NUCB2: variants seen among roughly 807,000 people sequenced by gnomAD.
The protein encoded by NUCB2 is nucleobindin-2.
In NUCB2, 48 loss-of-function variants were observed where a neutral mutation model predicts 57.9. The ratio of observed to expected loss-of-function variants is 0.83; its 90% CI spans 0.66 to 1.05. The LOEUF is 1.05. NUCB2 is among the 50% of genes least tolerant of loss of function. The pLI is 0.00. For synonymous variants in NUCB2, 139 were observed against 152.1 expected, an observed-to-expected ratio of 0.91 and a Z score of 0.64; for missense variants, 442 against 476.2, an observed-to-expected ratio of 0.93 and a Z score of 0.67.
rs930615041 is a variant in NUCB2 at position 17,328,511 on chromosome 11, A to G, written c.1003-1616A>G. ...CTGTGGCTAAGCTGACACTCAAATC[A>G]CAATACAAAAGCCTTCCTGCTCTTC... On this transcript the variant is annotated intron_variant, in intron 11 of 13. Transcript: ENST00000529010. Among the ~76,000 whole-genome samples, 4 of 152,144 alleles carry G rather than the reference A, an allele frequency of 2.6e-5. No individual in the cohort carries two copies. In the South Asian group the frequency reaches 8.3e-4, roughly 31 times the overall value.
intron 11 of NUCB2, among the ~76,000 whole-genome samples, chr11:17,328,707 C>T (rs1160254250): frequency 6.6e-6 from 1 of 152,118 alleles, no homozygotes; most frequent in Non-Finnish European, 1.5e-5. Flanking sequence ...AAGTGGGCTC[C>T]CCTCTGGCCC....
chr11:17,335,505 T>A (rs1434702790), downstream of NUCB2, among the ~76,000 whole-genome samples: 7 of 152,172 alleles, frequency 4.6e-5, no homozygotes, highest in Non-Finnish European at 1.0e-4. Context: ...ATGAATATTA[T>A]TTCTTTTTTT....
chr11:17,285,612 C>T (rs552716347), intron 2 of NUCB2, among the ~76,000 whole-genome samples: 18 of 149,174 alleles, frequency 1.2e-4, no homozygotes, highest in African/African-American at 2.5e-4. Context: ...GGCGTGGTGG[C>T]GGGCACCTGT....
intron 11 of NUCB2, among the ~76,000 whole-genome samples, chr11:17,325,333 C>G (rs185457272): frequency 2.6e-5 from 4 of 152,226 alleles, no homozygotes; most frequent in Non-Finnish European, 4.4e-5. Flanking sequence ...GTCTTTAGCT[C>G]TAATAATATT....
At chr11:17,315,964 T>G (rs1949185686) in intron 11 of NUCB2, among the ~76,000 whole-genome samples, 1 of 152,040 alleles carries the variant, frequency 6.6e-6, no homozygotes, top group South Asian at 2.1e-4. Context: ...TGTTGTTGTT[T>G]GTTTGTTTTT....
chr11:17,279,045 T>C (rs1221891134), intron 1 of NUCB2, among the ~76,000 whole-genome samples: 1 of 152,016 alleles, frequency 6.6e-6, no homozygotes, highest in Non-Finnish European at 1.5e-5. Flanking sequence ...ATACAAAAAT[T>C]AGCCAGACGT....
chr11:17,336,586 C>G (rs1951815834), downstream of NUCB2, among the ~76,000 whole-genome samples: 1 of 151,216 alleles, frequency 6.6e-6, no homozygotes, highest in African/African-American at 2.4e-5. Context: ...AACCCCGTCT[C>G]TACTAAAAAT....
chr11:17,326,805 T>C (rs1223791882), intron 11 of NUCB2, among the ~76,000 whole-genome samples: 1 of 152,232 alleles, frequency 6.6e-6, no homozygotes, highest in Non-Finnish European at 1.5e-5. Context: ...CAGTGACTTT[T>C]GTACCTTCAG....
intron 5 of NUCB2, among the ~76,000 whole-genome samples, chr11:17,305,568 A>G (rs1193941199): frequency 6.6e-6 from 1 of 152,166 alleles, no homozygotes; most frequent in African/African-American, 2.4e-5. Context: ...ATTTAGTTTA[A>G]TATAAAGGTG....
chr11:17,338,875 G>A (rs1952013937), intron 2 of NUCB2, among the ~76,000 whole-genome samples: 1 of 152,178 alleles, frequency 6.6e-6, no homozygotes, highest in Admixed American at 6.5e-5. Context: ...TGGTGGCCAG[G>A]CTGGTCTTGA....
Position 17,330,911 on chromosome 11 carries a change from C to T in NUCB2, c.1183C>T (p.Gln395Ter). 2 of 1,596,242 alleles carry T rather than the reference C, an allele frequency of 1.3e-6. No individual in the cohort carries two copies. The highest frequency in any genetic ancestry group is 4.5e-5 in the East Asian group (2 of 44,102). ...ATTTTCCATTCACCAGGTCATACAG[C>T]AGATGGAACAAAAAAAATTACAACA... Reference protein sequence around the residue: ...QKLEYHQVIQQMEQKKLQQGI... With the variant: ...QKLEYHQVIQ The change falls in exon 13 of 14, where the codon CAG becomes TAG. Residue 395 changes from glutamine (Q) to a stop codon, truncating the protein, a stop_gained. Coordinates refer to ENST00000529010, the MANE Select transcript of NUCB2 (RefSeq NM_005013.4). LOFTEE classifies it high-confidence loss of function. This position sits in a 1 kb window ranked among gnomAD's most constrained non-coding sequence, Gnocchi z 4.3.
chr11:17,343,330 T>G (rs1952446955), intron 2 of NUCB2, among the ~76,000 whole-genome samples: 1 of 152,228 alleles, frequency 6.6e-6, no homozygotes, highest in South Asian at 2.1e-4. Context: ...TTGCATCTAG[T>G]TCTCTTTGCT....
intron 2 of NUCB2, among the ~76,000 whole-genome samples, chr11:17,284,951 G>A (rs1943373007): frequency 6.6e-6 from 1 of 152,110 alleles, no homozygotes; most frequent in African/African-American, 2.4e-5. Flanking sequence ...ATAGTATCTG[G>A]TACCATAGTC....
intron 2 of NUCB2, chr11:17,283,535 C>G (rs796835845): frequency 3.3e-5 from 5 of 152,330 alleles, no homozygotes; most frequent in African/African-American, 1.2e-4. Flanking sequence ...ATAAGTCTGA[C>G]TATTAACTAC....
At chr11:17,296,068 C>G (rs1945771916) in intron 3 of NUCB2, 36 bp from the exon 4 acceptor site, 1 of 1,292,996 alleles carries the variant, frequency 7.7e-7, no homozygotes, top group Non-Finnish European at 1.1e-6. Flanking sequence ...AAGGAAAAAC[C>G]TGCAGAAGCA....
At chr11:17,319,481 C>G (rs1433275430) in intron 11 of NUCB2, among the ~76,000 whole-genome samples, 3 of 152,196 alleles carry the variant, frequency 2.0e-5, no homozygotes, top group African/African-American at 4.8e-5. Flanking sequence ...GGATGTTCCC[C>G]TTGCTACTGT....
chr11:17,279,141 G>A (rs1236127834), intron 1 of NUCB2, among the ~76,000 whole-genome samples: 3 of 152,122 alleles, frequency 2.0e-5, no homozygotes, highest in African/African-American at 4.8e-5. Context: ...GCAGTGAGCC[G>A]AGATCGCGCT....
chr11:17,309,565 C>G lies in NUCB2; in HGVS notation c.380-7C>G. ...TGATCATTTACAGTTTTCTTATTTT[C>G]TTTCAGATATAGGCATGGACCACCA... On this transcript the variant is annotated splice_region_variant and splice_polypyrimidine_tract_variant and intron_variant, in intron 5 of 13. Coordinates refer to ENST00000529010, the MANE Select transcript of NUCB2 (RefSeq NM_005013.4). 1 of 1,486,656 alleles carries G rather than the reference C, an allele frequency of 6.7e-7. No homozygotes were observed. The highest frequency in any genetic ancestry group is 9.1e-7 in the Non-Finnish European group (1 of 1,099,948). 92.1% of individuals were successfully genotyped at this position (1,486,656 alleles called of 1,614,324 possible).
intron 2 of NUCB2, among the ~76,000 whole-genome samples, chr11:17,289,253 C>T (rs1944527060): frequency 6.6e-6 from 1 of 152,160 alleles, no homozygotes; most frequent in Non-Finnish European, 1.5e-5. Context: ...CCACCACGCC[C>T]AGCCTCTTCA....
Sources: allele counts gnomAD v4.1 joint callset (sites outside exome capture counted in the v4.1 genomes callset), GRCh38; gene constraint gnomAD v4.1.1; non-coding constraint Gnocchi (gnomAD v3.1); transcripts MANE v1.5; gene names NCBI Gene and HGNC (gene_info 2026-07-23, HGNC 2026-07-21).